PCNX1: variants seen among roughly 807,000 people sequenced by gnomAD.
PCNX1 encodes pecanex 1.
In PCNX1, 78 loss-of-function variants were observed where a neutral mutation model predicts 242.2. That is an observed-to-expected ratio of 0.32 (90% CI 0.27 to 0.39). PCNX1 has a LOEUF of 0.39. Among genes scored for constraint, PCNX1 ranks in the 10% least tolerant of loss-of-function variants. PCNX1 has a pLI of 1.00. For synonymous variants in PCNX1, 1,024 were observed against 1,032.9 expected, an observed-to-expected ratio of 0.99 and a Z score of 0.17; for missense variants, 2,581 against 2,856.5, an observed-to-expected ratio of 0.90 and a Z score of 2.20.
chr14:71,025,967 T>A, intron 13 of PCNX1, 150 bp from the exon 14 acceptor site: 1 of 471,056 alleles, frequency 2.1e-6, no homozygotes, highest in Non-Finnish European at 3.7e-6. Context: ...TCCTCCTTTC[T>A]ATATTTGTTA....
chr14:71,093,109 T>C (rs1255904714), intron 30 of PCNX1: 1 of 152,186 alleles, frequency 6.6e-6, no homozygotes, highest in Non-Finnish European at 1.5e-5. Context: ...TGGAAAGGAT[T>C]GTCAGTGCTA....
intron 30 of PCNX1, among the ~76,000 whole-genome samples, chr14:71,101,057 C>T (rs1273063339): frequency 6.6e-6 from 1 of 152,128 alleles, no homozygotes; most frequent in Non-Finnish European, 1.5e-5. Flanking sequence ...CATATCTCAA[C>T]CCCCCAGCTA....
At chr14:71,084,417 A>G (rs899416026) in intron 28 of PCNX1, among the ~76,000 whole-genome samples, 66 of 152,342 alleles carry the variant, frequency 4.3e-4, no homozygotes, top group Admixed American at 1.6e-3. Context: ...GCCAGCAGGC[A>G]GCAACATTTA....
intron 8 of PCNX1, among the ~76,000 whole-genome samples, chr14:71,008,631 G>A (rs112811262): frequency 0.065 from 9,351 of 142,882 alleles, 440 homozygotes; most frequent in East Asian, 0.27. Context: ...ACTCCAGCCT[G>A]GGTGACAGAG....
rs376168714 is a variant in PCNX1, at chr14:70,959,059, T to C, written c.363-3167T>C. The stretch of plus-strand genomic sequence containing the variant: ...GATTATATATAGACTATTGACTACT[T>C]ACTCTGTTTATACCAGGTAGAATTA... On this transcript the variant is annotated intron_variant, in intron 2 of 35. Coordinates refer to ENST00000304743, the MANE Select transcript of PCNX1 (RefSeq NM_014982.3). Among the ~76,000 whole-genome samples, 11 of 150,958 alleles carry C rather than the reference T, an allele frequency of 7.3e-5. No individual in the cohort carries two copies. In the East Asian group the frequency reaches 7.7e-4, roughly 11 times the overall value.
intron 28 of PCNX1, among the ~76,000 whole-genome samples, chr14:71,077,463 G>A (rs1364412626): frequency 6.6e-6 from 1 of 152,186 alleles, no homozygotes; most frequent in Non-Finnish European, 1.5e-5. Flanking sequence ...TTCACGTTTA[G>A]CACTTGGTTT....
rs757518511 is a variant in PCNX1, at chr14:71,105,278, A to C, written c.6139A>C (p.Ile2047Leu). ...CGAGCNSGGNIEDSDTGGGTS... is the reference protein window; with the variant it reads ...CGAGCNSGGNLEDSDTGGGTS... ...AGCTGGATGTAACAGTGGTGGCAAT[A>C]TTGAAGATTCTGATACTGGAGGTGG... The change falls in exon 33 of 36, where the codon ATT becomes CTT. Residue 2047 changes from isoleucine (I) to leucine (L), a missense_variant. By Grantham distance (5) the Ile-to-Leu change is conservative. Transcript: ENST00000304743. The C allele has an allele frequency of 3.4e-5, 55 of 1,613,988 alleles. No individual in the cohort carries two copies. The highest frequency in any genetic ancestry group is 4.5e-5 in the Non-Finnish European group (53 of 1,179,988).
Position 71,088,318 on chromosome 14 carries a change from GT to G in PCNX1, c.5338-5del, listed in dbSNP as rs1375018385. On this transcript the variant is annotated splice_polypyrimidine_tract_variant and intron_variant, in intron 28 of 35. Coordinates refer to ENST00000304743, the MANE Select transcript of PCNX1 (RefSeq NM_014982.3). ...ACCTTTCTGATAACTAATGTTTTTT[GT>G]TTTTTTAAAGCCTGTGGATGTGGAC... 1.3e-6 allele frequency: 2 copies of G among 1,534,170 alleles called. No homozygotes were observed. Among genetic ancestry groups the G allele is most frequent in the South Asian group, 1.1e-5 (1 of 87,564 alleles).
At position 71,110,023 on chromosome 14, in the gene PCNX1, G is replaced by A. The variant is rs779975873; in HGVS notation, c.*88G>A. The A allele has an allele frequency of 3.5e-5, 41 of 1,170,964 alleles. No individual in the cohort carries two copies. Among genetic ancestry groups the A allele is most frequent in the Non-Finnish European group, 4.7e-5 (37 of 782,302 alleles). The allele number at this position is 1,170,964 out of a possible 1,614,324, so 72.5% of individuals were successfully genotyped here. ...AGGAACAAGCAGAAGATGCCTGCAGGTATCACTTTGATCCTATGTGGGAGC... is the reference window on the plus strand; with the variant it reads ...AGGAACAAGCAGAAGATGCCTGCAGATATCACTTTGATCCTATGTGGGAGC... On this transcript the variant is annotated 3_prime_UTR_variant, in exon 36 of 36. Transcript: ENST00000304743.
intron 1 of PCNX1, among the ~76,000 whole-genome samples, chr14:70,934,654 C>T (rs2056930452): frequency 6.6e-6 from 1 of 152,132 alleles, no homozygotes; most frequent in African/African-American, 2.4e-5. Flanking sequence ...TTACACAAGT[C>T]TCTAGGAAGT....
chr14:70,910,207 G>GTCCTCCTCC (rs750642409), intron 1 of PCNX1, among the ~76,000 whole-genome samples: 2 of 13,174 alleles, frequency 1.5e-4, no homozygotes, highest in East Asian at 1.8e-3. Context: ...CCTCCTCCTC[G>GTCCTCCTCC]TCCTCCTCCT....
intron 1 of PCNX1, among the ~76,000 whole-genome samples, chr14:70,927,109 G>T (rs953085325): frequency 1.3e-5 from 2 of 152,202 alleles, no homozygotes; most frequent in African/African-American, 4.8e-5. Context: ...TCCAGTGTAT[G>T]TAGTGCTTGG....
intron 12 of PCNX1, among the ~76,000 whole-genome samples, chr14:71,022,062 T>C (rs1170294965): frequency 6.6e-6 from 1 of 152,194 alleles, no homozygotes; most frequent in Non-Finnish European, 1.5e-5. Flanking sequence ...AATCATCTCC[T>C]GGTTAATTTT....
At chr14:70,972,597 CGTTTGGTACT>C (rs1286109494) in intron 5 of PCNX1, among the ~76,000 whole-genome samples, 2 of 152,078 alleles carry the variant, frequency 1.3e-5, no homozygotes, top group African/African-American at 4.8e-5. Flanking sequence ...GCTTAAATAT[CGTTTGGTACT>C]CTTACTCCTC....
In PCNX1 at chr14:71,013,214, G is replaced by T; in HGVS notation, c.2996+12G>T. 6.4e-7 allele frequency: 1 copy of T among 1,562,576 alleles called. No individual in the cohort carries two copies. Among genetic ancestry groups the T allele is most frequent in the South Asian group, 1.1e-5 (1 of 89,996 alleles). On this transcript the variant is annotated intron_variant, in intron 11 of 35. Coordinates refer to ENST00000304743, the MANE Select transcript of PCNX1 (RefSeq NM_014982.3). ...GCCCTGTTTGATAGGTGAGATTATAGTGTGATATTAATGATACGTGTGGAT... is the reference window on the plus strand; with the variant it reads ...GCCCTGTTTGATAGGTGAGATTATATTGTGATATTAATGATACGTGTGGAT...
At chr14:71,084,287 C>G (rs1020691529) in intron 28 of PCNX1, among the ~76,000 whole-genome samples, 3 of 152,148 alleles carry the variant, frequency 2.0e-5, no homozygotes, top group African/African-American at 7.2e-5. Flanking sequence ...GTCTGTCGAC[C>G]CCTGCCCGGG....
intron 1 of PCNX1, among the ~76,000 whole-genome samples, chr14:70,911,816 G>A (rs2810074): frequency 0.44 from 67,336 of 152,044 alleles, 16,306 homozygotes; most frequent in Non-Finnish European, 0.55. Flanking sequence ...AATTGGAAGT[G>A]TTTCCTCTAT....
intron 3 of PCNX1, among the ~76,000 whole-genome samples, chr14:70,967,124 G>T (rs756745610): frequency 1.3e-5 from 2 of 152,134 alleles, no homozygotes; most frequent in Non-Finnish European, 2.9e-5. Flanking sequence ...CTTACACAGC[G>T]TAGTGCACAC....
At chr14:71,031,809 G>A (rs771729034) in intron 16 of PCNX1, 543 of 1,484,694 alleles carry the variant, frequency 3.7e-4, no homozygotes, top group Non-Finnish European at 1.7e-4. Context: ...TGCATAGCTT[G>A]GCAGCGAGGA....
Sources: gnomAD v4.1 joint callset for allele counts (sites outside exome capture counted in the v4.1 genomes callset) on GRCh38, gnomAD v4.1.1 for gene constraint, MANE v1.5 for transcripts, NCBI Gene and HGNC (gene_info 2026-07-23, HGNC 2026-07-21) for gene names.